Variants in CNTN6 observed in about 807,000 individuals in gnomAD.
CNTN6 encodes the protein contactin-6.
CNTN6 carries 137 observed loss-of-function variants against 122.8 expected under a neutral mutation model. The ratio of observed to expected loss-of-function variants is 1.12; its 90% confidence interval spans 0.97 to 1.29. The LOEUF (loss-of-function observed/expected upper bound fraction) is 1.29. Ranked by LOEUF, CNTN6 falls within the 50% of genes most tolerant of loss-of-function variation. The pLI is 0.00. For synonymous variants in CNTN6, 570 were observed against 426.0 expected (o/e 1.34, Z -4.16); for missense variants, 1,634 against 1,223.4 (o/e 1.34, Z -5.01).
chr3:1,388,461 G>GA lies in CNTN6; in HGVS notation c.2704+2670dup, dbSNP rs1003846830. 1.4e-4 allele frequency among the ~76,000 whole-genome samples: 21 copies of GA among 151,772 alleles called. 1 individual carries two copies. Among genetic ancestry groups the GA allele is most frequent in the Admixed American group, 7.9e-4 (12 of 15,254 alleles). Reference sequence around the variant, plus strand: ...AGTAGATAAAAACCACAAAGATGGGGAAAAAACAGAACAGAAAAACTGGAA... The same window carrying GA: ...AGTAGATAAAAACCACAAAGATGGGGAAAAAAACAGAACAGAAAAACTGGAA... On this transcript the variant is annotated intron_variant, in intron 20 of 22. Coordinates refer to ENST00000446702, the MANE Select transcript of CNTN6 (RefSeq NM_001289080.2).
intron 5 of CNTN6, among the ~76,000 whole-genome samples, chr3:1,286,305 G>A (rs551626085): frequency 2.6e-5 from 4 of 152,086 alleles, no homozygotes; most frequent in Non-Finnish European, 5.9e-5. Context: ...CCATCAACCG[G>A]CCATCTACAT....
At chr3:1,249,544 A>C (rs1031132219) in intron 4 of CNTN6, among the ~76,000 whole-genome samples, 2 of 152,218 alleles carry the variant, frequency 1.3e-5, no homozygotes, top group Non-Finnish European at 2.9e-5. Context: ...CAGTGTTTCT[A>C]CTCATGACAG....
chr3:1,288,510 G>T (rs1035130116), intron 5 of CNTN6, among the ~76,000 whole-genome samples: 1 of 152,126 alleles, frequency 6.6e-6, no homozygotes, highest in Non-Finnish European at 1.5e-5. Flanking sequence ...CACAAGGTTT[G>T]CAGTAAAGTA....
intron 20 of CNTN6, among the ~76,000 whole-genome samples, chr3:1,392,433 G>T (rs1694303288): frequency 6.6e-6 from 1 of 152,130 alleles, no homozygotes; most frequent in Non-Finnish European, 1.5e-5. Context: ...TTAAATGTTA[G>T]ACCTAAAACC....
Position 1,278,454 on chromosome 3 carries a change from G to A in CNTN6, c.400G>A (p.Val134Ile), listed in dbSNP as rs1692804586. 4.3e-6 allele frequency: 7 copies of A among 1,612,376 alleles called. No individual in the cohort carries two copies. In the South Asian group the frequency reaches 5.5e-5, roughly 13 times the overall value. ...AACTAAAACAAGAAGCACAGTATCT[G>A]TCCGAGAAGGTCAAGGTGTGGTGCT... ...FETKTRSTVSVREGQGVVLLC... is the reference protein window; with the variant it reads ...FETKTRSTVSIREGQGVVLLC... Residue 134 changes from valine to isoleucine, a missense_variant, in exon 5 of 23, where the codon GTC (valine) becomes ATC (isoleucine). Physicochemically the swap from Val to Ile is conservative, Grantham distance 29. Transcript: ENST00000446702.
chr3:1,346,949 G>C (rs1177227583), intron 11 of CNTN6, among the ~76,000 whole-genome samples: 1 of 152,098 alleles, frequency 6.6e-6, no homozygotes, highest in Non-Finnish European at 1.5e-5. Context: ...TTTGTTTTCT[G>C]TGTAGGACTA....
chr3:1,311,872 G>A (rs1448831691), intron 7 of CNTN6, among the ~76,000 whole-genome samples: 1 of 151,838 alleles, frequency 6.6e-6, no homozygotes, highest in Non-Finnish European at 1.5e-5. Flanking sequence ...TAATGACAAT[G>A]AGATATTTCA....
At chr3:1,140,059 GT>G (rs1176387730) in intron 1 of CNTN6, among the ~76,000 whole-genome samples, 1 of 152,132 alleles carries the variant, frequency 6.6e-6, no homozygotes, top group East Asian at 1.9e-4. Context: ...TTCTGAGAAA[GT>G]ATTACAACTA....
At chr3:1,298,817 C>T (rs904210376) in intron 7 of CNTN6, among the ~76,000 whole-genome samples, 6 of 152,116 alleles carry the variant, frequency 3.9e-5, no homozygotes, top group African/African-American at 1.4e-4. Context: ...AGTCATGCTT[C>T]TTGTAAACAG....
In CNTN6 at chr3:1,266,718, G is replaced by A. The variant is rs965787606; in HGVS notation, c.359-11695G>A. On this transcript the variant is annotated intron_variant, in intron 4 of 22. Transcript: ENST00000446702. ...TAAACCACTCTTTCCAAGTGACCTC[G>A]GGCCTCACTCCATTGAAATCACTCT... Among the ~76,000 whole-genome samples the A allele has an allele frequency of 5.9e-5, 9 of 152,044 alleles. No individual in the cohort carries two copies. The East Asian group carries it at 1.2e-3, about 20-fold the overall frequency.
chr3:1,256,146 C>T (rs914351590), intron 4 of CNTN6, among the ~76,000 whole-genome samples: 1 of 152,132 alleles, frequency 6.6e-6, no homozygotes, highest in Admixed American at 6.6e-5. Context: ...GCTGCGATTA[C>T]AGGCATGAGC....
intron 1 of CNTN6, among the ~76,000 whole-genome samples, chr3:1,120,143 A>T (rs1019992921): frequency 2.7e-5 from 4 of 150,768 alleles, no homozygotes; most frequent in African/African-American, 9.7e-5. Context: ...GGTTTTTTTC[A>T]AGTTTGGGCT....
chr3:1,099,331 G>T (rs1028281987), intron 1 of CNTN6, among the ~76,000 whole-genome samples: 1 of 151,778 alleles, frequency 6.6e-6, no homozygotes, highest in Non-Finnish European at 1.5e-5. Flanking sequence ...GGCGCCTGTA[G>T]TCCCAGCTAC....
At chr3:1,370,079 CT>C (rs943953565) in intron 12 of CNTN6, among the ~76,000 whole-genome samples, 8 of 151,902 alleles carry the variant, frequency 5.3e-5, no homozygotes, top group East Asian at 1.9e-4. Context: ...TAATGTGTAT[CT>C]TTTTTTATTT....
intron 9 of CNTN6, 60 bp downstream of exon 9, chr3:1,326,011 A>G: frequency 4.1e-6 from 6 of 1,453,828 alleles, no homozygotes; most frequent in Non-Finnish European, 5.7e-6. Context: ...TTTGTTACTA[A>G]CAGTACTAGT....
intron 5 of CNTN6, among the ~76,000 whole-genome samples, chr3:1,288,437 A>G (rs1218235111): frequency 6.6e-6 from 1 of 152,210 alleles, no homozygotes; most frequent in Non-Finnish European, 1.5e-5. Flanking sequence ...GGTTTTTGCC[A>G]CTGAGCTAGC....
At chr3:1,153,098 G>A (rs1053542158) in intron 2 of CNTN6, among the ~76,000 whole-genome samples, 3 of 152,066 alleles carry the variant, frequency 2.0e-5, no homozygotes, top group African/African-American at 7.2e-5. Context: ...ATTTGTGTTT[G>A]TTTTGCCATG....
intron 1 of CNTN6, among the ~76,000 whole-genome samples, chr3:1,126,230 G>A (rs546972856): frequency 1.3e-5 from 2 of 151,908 alleles, no homozygotes; most frequent in South Asian, 2.1e-4. Flanking sequence ...AAGGTATACC[G>A]AAAGTTGAAT....
intron 1 of CNTN6, among the ~76,000 whole-genome samples, chr3:1,098,214 A>G (rs1259855354): frequency 1.3e-5 from 2 of 151,902 alleles, no homozygotes; most frequent in Non-Finnish European, 2.9e-5. Context: ...GTGCACATGT[A>G]CCCTAAAACT....
Sources: gnomAD v4.1 joint callset for allele counts (sites outside exome capture counted in the v4.1 genomes callset) on GRCh38, gnomAD v4.1.1 for gene constraint, MANE v1.5 for transcripts, NCBI Gene and HGNC (gene_info 2026-07-23, HGNC 2026-07-21) for gene names.